PTCHD1: variants seen among roughly 807,000 people sequenced by gnomAD.
PTCHD1 encodes the protein patched domain-containing protein 1.
A neutral mutation model predicts 34.6 loss-of-function variants in PTCHD1; 3 were observed. The ratio of observed to expected loss-of-function variants is 0.09; its 90% CI spans 0.04 to 0.22. The LOEUF is 0.22. Among genes scored for constraint, PTCHD1 ranks in the 10% least tolerant of loss-of-function variants. The pLI is 1.00. For missense variants in PTCHD1, 504 were observed against 685.5 expected, an observed-to-expected ratio of 0.74 and a Z score of 2.96; for synonymous variants, 305 against 283.1, an observed-to-expected ratio of 1.08 and a Z score of -0.77.
chrX:23,389,649 G>C (rs187456720), intron 2 of PTCHD1, among the ~76,000 whole-genome samples: 18 of 111,652 alleles, frequency 1.6e-4, no homozygotes, highest in African/African-American at 4.9e-4. Flanking sequence ...CTGAGTGATC[G>C]GTTAGAACAA....
rs1053798897 is a variant in PTCHD1, at chrX:23,398,960, G to A, written c.*4775G>A. The A allele has an allele frequency of 9.9e-5, 11 of 111,155 alleles. No individual in the cohort carries two copies. Among genetic ancestry groups the A allele is most frequent in the African/African-American group, 3.6e-4 (11 of 30,508 alleles). 9.2% of individuals were successfully genotyped at this position (111,155 alleles called of 1,213,427 possible). A position where few individuals can be genotyped will look rare whatever the true frequency, so the allele number is the denominator to read the frequency against. ...CTATGGCCTCTGTGCAGATTTTTGA[G>A]TTAGATTAAAATTAGTACCACCTGA... is the stretch of plus-strand genomic sequence containing the variant. On this transcript the variant is annotated 3_prime_UTR_variant, in exon 3 of 3. Coordinates refer to ENST00000379361, the MANE Select transcript of PTCHD1 (RefSeq NM_173495.3).
At chrX:23,350,060 T>TAAAAAAAAAAAAAA (rs57194123) in intron 1 of PTCHD1, among the ~76,000 whole-genome samples, 3 of 40,414 alleles carry the variant, frequency 7.4e-5, no homozygotes, top group South Asian at 2.8e-3. Flanking sequence ...TTAGTGCTGT[T>TAAAAAAAAAAAAAA]AAAAAAAAAA....
chrX:23,357,056 T>G (rs1431343513), intron 1 of PTCHD1, among the ~76,000 whole-genome samples: 2 of 112,288 alleles, frequency 1.8e-5, no homozygotes, highest in Non-Finnish European at 3.8e-5. Context: ...TAGTTTGATA[T>G]GAATACAAGT....
intron 1 of PTCHD1, among the ~76,000 whole-genome samples, chrX:23,364,370 A>G (rs1452096903): frequency 1.4e-5 from 1 of 72,971 alleles, no homozygotes; most frequent in Admixed American, 1.6e-4. Context: ...TGAAGAGTGT[A>G]GACACACACA....
intron 1 of PTCHD1, among the ~76,000 whole-genome samples, chrX:23,369,167 T>TTGCGCATGCTTGTCATTGGTGA (rs1485162003): frequency 8.9e-6 from 1 of 112,314 alleles, no homozygotes; most frequent in East Asian, 2.8e-4. Flanking sequence ...CTCCAGCTGT[T>TTGCGCATGCTTGTCATTGGTGA]TGCGCATGCT....
rs1921272421 is a variant in PTCHD1, at chrX:23,340,387, C to G, written c.351+5161C>G. On this transcript the variant is annotated intron_variant, in intron 1 of 2. Coordinates refer to ENST00000379361, the MANE Select transcript of PTCHD1 (RefSeq NM_173495.3). ...CTAAATCCCACCTGCTGTAGAGGAG[C>G]CCAAGAAACTGAATGCAGTATAACT... 2.7e-5 allele frequency among the ~76,000 whole-genome samples: 3 copies of G among 110,111 alleles called. No homozygotes were observed. In the South Asian group the frequency reaches 1.2e-3, roughly 45 times the overall value.
chrX:23,404,049 A>G lies in PTCHD1; in HGVS notation c.*9864A>G, dbSNP rs960293722. On this transcript the variant is annotated 3_prime_UTR_variant, in exon 3 of 3. Coordinates refer to ENST00000379361, the MANE Select transcript of PTCHD1 (RefSeq NM_173495.3). ...CCTCTCCATCTGACCAGCTTTCACC[A>G]GAGGGCGATCTTTCATGCTTGCACA... 1.5e-4 allele frequency: 17 copies of G among 112,295 alleles called. No homozygotes were observed. Among genetic ancestry groups the G allele is most frequent in the African/African-American group, 5.2e-4 (16 of 30,882 alleles). 9.3% of individuals were successfully genotyped at this position (112,295 alleles called of 1,213,427 possible). A position where few individuals can be genotyped will look rare whatever the true frequency, so the allele number is the denominator to read the frequency against.
chrX:23,381,975 T>C (rs1039369192), intron 2 of PTCHD1, among the ~76,000 whole-genome samples: 4 of 111,976 alleles, frequency 3.6e-5, no homozygotes, highest in Non-Finnish European at 5.6e-5. Flanking sequence ...CAATCTTGAA[T>C]GTTTTGGGGG....
rs769693874 is a variant in PTCHD1, at chrX:23,401,973, C to G, written c.*7788C>G. The G allele has an allele frequency of 7.1e-5, 8 of 112,292 alleles. No homozygotes were observed. The highest frequency in any genetic ancestry group is 2.6e-4 in the African/African-American group (8 of 30,894). The allele number at this position is 112,292 out of a possible 1,213,427, so 9.3% of individuals were successfully genotyped here. A position where few individuals can be genotyped will look rare whatever the true frequency, so the allele number is the denominator to read the frequency against. Reference sequence around the variant, plus strand: ...CAAGAAGAATAGCATAGACCCAAAACGACAGAGATCTCTTCCAAGGTATGG... The same window carrying G: ...CAAGAAGAATAGCATAGACCCAAAAGGACAGAGATCTCTTCCAAGGTATGG... On this transcript the variant is annotated 3_prime_UTR_variant, in exon 3 of 3. Transcript: ENST00000379361.
intron 2 of PTCHD1, among the ~76,000 whole-genome samples, chrX:23,381,904 G>A (rs1244844066): frequency 8.9e-6 from 1 of 112,040 alleles, no homozygotes; most frequent in Non-Finnish European, 1.9e-5. Flanking sequence ...CTGAGTATTA[G>A]TAGCTTCCAC....
At chrX:23,392,476 C>T in intron 2 of PTCHD1, 55 bp from the exon 3 acceptor site, 2 of 824,722 alleles carry the variant, frequency 2.4e-6, no homozygotes, top group Non-Finnish European at 3.7e-6. Context: ...GTTGATTTCC[C>T]TCTTAAGAGA....
rs145165188 is a variant in PTCHD1 at position 23,351,294 on chromosome X, G to A, written c.351+16068G>A. 2.0e-3 allele frequency: 1,695 copies of A among 851,808 alleles called. 23 individuals carry two copies. The African/African-American group carries it at 0.028, about 14-fold the overall frequency. 70.2% of individuals were successfully genotyped at this position (851,808 alleles called of 1,213,427 possible). A position where few individuals can be genotyped will look rare whatever the true frequency, so the allele number is the denominator to read the frequency against. ...CATTCACTCTGTTCACACAAAAGAT[G>A]TTGGACAACTTACACAATTTTGCTT... On this transcript the variant is annotated intron_variant, in intron 1 of 2. Coordinates refer to ENST00000379361, the MANE Select transcript of PTCHD1 (RefSeq NM_173495.3).
At chrX:23,375,482 G>A (rs775114141) in intron 1 of PTCHD1, among the ~76,000 whole-genome samples, 6 of 110,433 alleles carry the variant, frequency 5.4e-5, no homozygotes, top group Non-Finnish European at 9.5e-5. Flanking sequence ...TAGTAGAGAC[G>A]GGGTTTCACC....
At chrX:23,350,060 T>TAAAAAAAAAAAAAAAAAAAAA (rs57194123) in intron 1 of PTCHD1, among the ~76,000 whole-genome samples, 2 of 40,414 alleles carry the variant, frequency 4.9e-5, no homozygotes, top group Admixed American at 3.8e-4. Flanking sequence ...TTAGTGCTGT[T>TAAAAAAAAAAAAAAAAAAAAA]AAAAAAAAAA....
rs1569131937 is a variant in PTCHD1 at position 23,342,265 on chromosome X, CCT to C, written c.351+7040_351+7041del. Among the ~76,000 whole-genome samples the C allele has an allele frequency of 7.3e-4, 42 of 57,465 alleles. 2 individuals are homozygous for C. Among genetic ancestry groups the C allele is most frequent in the Non-Finnish European group, 1.3e-3 (29 of 22,768 alleles). 49.9% of individuals were successfully genotyped at this position (57,465 alleles called of 115,157 possible). On this transcript the variant is annotated intron_variant, in intron 1 of 2. Transcript: ENST00000379361. ...GGCATTTTCATATGCTGTGTTTCTC[CCT>C]ATATATATATATATATATATATATA... is the stretch of plus-strand genomic sequence containing the variant.
At chrX:23,351,976 A>G (rs750329491) in intron 1 of PTCHD1, among the ~76,000 whole-genome samples, 2 of 111,928 alleles carry the variant, frequency 1.8e-5, no homozygotes, top group Non-Finnish European at 3.8e-5. Flanking sequence ...TATGGAAGAG[A>G]CATGAAAATA....
rs765690048 is a variant in PTCHD1, at chrX:23,394,302, C to CAAA, written c.*137_*139dup. Reference sequence around the variant, plus strand: ...TTTAAAGATAGGAAACAGGCATTGCCAAAAAAAAAAAAAAAAAAAAAAGGA... The same window carrying CAAA: ...TTTAAAGATAGGAAACAGGCATTGCCAAAAAAAAAAAAAAAAAAAAAAAAAGGA... On this transcript the variant is annotated 3_prime_UTR_variant, in exon 3 of 3. Transcript: ENST00000379361. 1.1e-4 allele frequency: 6 copies of CAAA among 52,428 alleles called. No homozygotes were observed. Among genetic ancestry groups the CAAA allele is most frequent in the East Asian group, 3.4e-4 (1 of 2,900 alleles). 4.3% of individuals were successfully genotyped at this position (52,428 alleles called of 1,213,427 possible).
At chrX:23,349,435 A>C (rs188472676) in intron 1 of PTCHD1, among the ~76,000 whole-genome samples, 3 of 112,013 alleles carry the variant, frequency 2.7e-5, no homozygotes, top group Non-Finnish European at 5.6e-5. Context: ...TTTAAATATA[A>C]AGAGTCATAC....
intron 2 of PTCHD1, among the ~76,000 whole-genome samples, chrX:23,389,648 C>CGGTTAGAACAAATTCTTT (rs1224470805): frequency 3.3e-4 from 37 of 111,564 alleles, no homozygotes; most frequent in African/African-American, 1.0e-3. Context: ...GCTGAGTGAT[C>CGGTTAGAACAAATTCTTT]GGTTAGAACA....
Sources: gnomAD v4.1 joint callset for allele counts (sites outside exome capture counted in the v4.1 genomes callset) on GRCh38, gnomAD v4.1.1 for gene constraint, MANE v1.5 for transcripts, NCBI Gene and HGNC (gene_info 2026-07-23, HGNC 2026-07-21) for gene names.